Variants in MIB1 observed in about 807,000 individuals in gnomAD.
The protein encoded by MIB1 is MIB E3 ubiquitin protein ligase 1, also known as E3 ubiquitin-protein ligase MIB1.
MIB1 carries 278 observed loss-of-function variants against 124.5 expected under a neutral mutation model. The ratio of observed to expected loss-of-function variants is 2.23; its 90% CI spans 2.02 to 2.47. MIB1 has a LOEUF of 2.47. Among genes scored for constraint, MIB1 ranks in the 30% most tolerant of loss-of-function variants. MIB1 has a pLI of 0.00. For missense variants in MIB1, 957 were observed against 1,254.4 expected (o/e 0.76, Z 3.58); for synonymous variants, 446 against 429.4 (o/e 1.04, Z -0.48).
intron 3 of MIB1, 29 bp from the exon 4 acceptor site, chr18:21,773,595 A>G (rs762784914): frequency 2.0e-6 from 3 of 1,521,842 alleles, no homozygotes; most frequent in African/African-American, 1.4e-5. Flanking sequence ...CCTTTAAAAA[A>G]CTTCTTTTCT....
chr18:21,745,234 A>G (rs1471435125), intron 1 of MIB1, among the ~76,000 whole-genome samples: 1 of 152,238 alleles, frequency 6.6e-6, no homozygotes, highest in African/African-American at 2.4e-5. Flanking sequence ...AAGAAAACCT[A>G]CGGTCTGTTA....
rs1215166784 is a variant in MIB1 at position 21,838,395 on chromosome 18, A to G, written c.1860A>G (p.Pro620=). ...TGCGTGTTTTACTATCTAAATTACCAAGACCATGGATTGTGGATGAGAAGA... is the reference window on the plus strand; with the variant it reads ...TGCGTGTTTTACTATCTAAATTACCGAGACCATGGATTGTGGATGAGAAGA... The part of the protein sequence containing the change: ...SAMRVLLSKL[P]RPWIVDEKKD... Residue 620 remains proline (P), a synonymous_variant, in exon 13 of 21, where the codon CCA becomes CCG. Transcript: ENST00000261537. 1.2e-6 allele frequency: 2 copies of G among 1,604,302 alleles called. No homozygotes were observed. Among genetic ancestry groups the G allele is most frequent in the Non-Finnish European group, 1.7e-6 (2 of 1,174,510 alleles).
chr18:21,856,159 A>G (rs922385941), intron 18 of MIB1, among the ~76,000 whole-genome samples: 1 of 148,996 alleles, frequency 6.7e-6, no homozygotes, highest in Non-Finnish European at 1.5e-5. Context: ...GAACCCGGGA[A>G]GCGGAGCTTG....
At chr18:21,728,597 C>A (rs191468546) in intron 1 of MIB1, among the ~76,000 whole-genome samples, 1 of 152,328 alleles carries the variant, frequency 6.6e-6, no homozygotes, top group African/African-American at 2.4e-5. Flanking sequence ...GGATATCAGA[C>A]AGAAATTGCA....
intron 1 of MIB1, among the ~76,000 whole-genome samples, chr18:21,751,404 G>T (rs1234415386): frequency 6.6e-6 from 1 of 152,002 alleles, no homozygotes; most frequent in East Asian, 1.9e-4. Context: ...GTAACTACAG[G>T]TGTGCATCAC....
At chr18:21,791,343 C>T (rs1016710020) in intron 6 of MIB1, 31 bp from the exon 7 acceptor site, 1 of 1,544,438 alleles carries the variant, frequency 6.5e-7, no homozygotes, top group Non-Finnish European at 8.8e-7. Flanking sequence ...AGCAAAGCTA[C>T]CCATTTTGAG....
At position 21,756,504 on chromosome 18, in the gene MIB1, A is replaced by G. The variant is rs577834143; in HGVS notation, c.230-9268A>G. Reference sequence around the variant, plus strand: ...TTTTGAGATGAAATCTTGCTCTGTCACCCAGGCTGGAGTGCGGTGGTGCAA... The same window carrying G: ...TTTTGAGATGAAATCTTGCTCTGTCGCCCAGGCTGGAGTGCGGTGGTGCAA... On this transcript the variant is annotated intron_variant, in intron 1 of 20. Coordinates refer to ENST00000261537, the MANE Select transcript of MIB1 (RefSeq NM_020774.4). Among the ~76,000 whole-genome samples the G allele has an allele frequency of 8.0e-4, 122 of 152,158 alleles. 1 individual carries two copies. The South Asian group carries it at 0.015, about 19-fold the overall frequency.
intron 1 of MIB1, among the ~76,000 whole-genome samples, chr18:21,762,352 A>G (rs2041107840): frequency 6.6e-6 from 1 of 152,206 alleles, no homozygotes; most frequent in Admixed American, 6.5e-5. Context: ...TGGGACTATT[A>G]TTATGTAAAT....
At chr18:21,836,124 T>C (rs1397315199) in intron 12 of MIB1, among the ~76,000 whole-genome samples, 1 of 150,532 alleles carries the variant, frequency 6.6e-6, no homozygotes, top group Non-Finnish European at 1.5e-5. Context: ...CTTGGTGGCA[T>C]GTACCCATAC....
chr18:21,817,238 T>A (rs1188130136), intron 11 of MIB1, among the ~76,000 whole-genome samples: 2 of 149,624 alleles, frequency 1.3e-5, no homozygotes, highest in Non-Finnish European at 1.5e-5. Context: ...CATGGCTCAT[T>A]GCAGTCTCAA....
chr18:21,727,238 T>C (rs746639012), intron 1 of MIB1, among the ~76,000 whole-genome samples: 2 of 152,084 alleles, frequency 1.3e-5, no homozygotes, highest in Non-Finnish European at 2.9e-5. Context: ...GCCTCCTGAG[T>C]AGCTGCGATT....
Position 21,732,351 on chromosome 18 carries a change from T to TACACACACACAC in MIB1, n.167+27260_167+27271dup, listed in dbSNP as rs59731612. Among the ~76,000 whole-genome samples the TACACACACACAC allele has an allele frequency of 2.5e-3, 346 of 141,054 alleles. 4 individuals carry two copies. The highest frequency in any genetic ancestry group is 7.6e-3 in the East Asian group (36 of 4,724). 92.5% of individuals were successfully genotyped at this position (141,054 alleles called of 152,430 possible). ...TAAAAAAATATATATATTATATGTA[T>TACACACACACAC]ACACACACACACACACACACACACA... is the stretch of plus-strand genomic sequence containing the variant. On this transcript the variant is annotated intron_variant and non_coding_transcript_variant, in intron 1 of 20. Transcript: ENST00000578646.
intron 12 of MIB1, among the ~76,000 whole-genome samples, chr18:21,833,884 T>G (rs1400062506): frequency 6.6e-6 from 1 of 152,222 alleles, no homozygotes; most frequent in African/African-American, 2.4e-5. Flanking sequence ...GATCTTATCT[T>G]TAAAACATCC....
intron 1 of MIB1, among the ~76,000 whole-genome samples, chr18:21,754,754 A>G (rs190421637): frequency 6.6e-6 from 1 of 152,358 alleles, no homozygotes; most frequent in Admixed American, 6.5e-5. Flanking sequence ...TTGCTGTCAC[A>G]TCTTAAACTA....
At chr18:21,812,732 G>T (rs536095930) in intron 10 of MIB1, among the ~76,000 whole-genome samples, 1 of 152,120 alleles carries the variant, frequency 6.6e-6, no homozygotes, top group African/African-American at 2.4e-5. Flanking sequence ...AAAGAAACAC[G>T]ATCCGTTTTA....
At chr18:21,787,927 G>A (rs2146438195) in intron 6 of MIB1, among the ~76,000 whole-genome samples, 1 of 152,130 alleles carries the variant, frequency 6.6e-6, no homozygotes, top group African/African-American at 2.4e-5. Context: ...CTCCCTTTAA[G>A]TAAAATGCCT....
intron 19 of MIB1, 113 bp from the exon 20 acceptor site, chr18:21,858,433 G>T: frequency 1.7e-6 from 1 of 581,224 alleles, no homozygotes; most frequent in Admixed American, 3.2e-5. Flanking sequence ...TTTTGAAGAG[G>T]ATTTTAATAA....
Position 21,846,977 on chromosome 18 carries a change from A to G in MIB1, c.2245A>G (p.Lys749Glu), listed in dbSNP as rs992986703. The G allele has an allele frequency of 6.2e-7, 1 of 1,614,048 alleles. No individual in the cohort carries two copies. Among genetic ancestry groups the G allele is most frequent in the Admixed American group, 1.7e-5 (1 of 60,016 alleles). ...IMGLGTQGAEKKSAASIACFL... is the reference protein window; with the variant it reads ...IMGLGTQGAEEKSAASIACFL... ...GGGACTTGGTACCCAGGGGGCAGAGAAGAAGAGTGCAGCATCTATTGCCTG... is the reference window on the plus strand; with the variant it reads ...GGGACTTGGTACCCAGGGGGCAGAGGAGAAGAGTGCAGCATCTATTGCCTG... Residue 749 changes from lysine (K) to glutamate (E), a missense_variant, in exon 16 of 21, where the codon AAG becomes GAG. Lys to Glu is a moderately conservative substitution (Grantham distance 56, BLOSUM62 1). Coordinates refer to ENST00000261537, the MANE Select transcript of MIB1 (RefSeq NM_020774.4).
chr18:21,788,052 C>T (rs890880941), intron 6 of MIB1, among the ~76,000 whole-genome samples: 5 of 152,086 alleles, frequency 3.3e-5, no homozygotes, highest in African/African-American at 4.8e-5. Flanking sequence ...ATTATATATG[C>T]ATATACTCTT....
Sources: allele counts gnomAD v4.1 joint callset (sites outside exome capture counted in the v4.1 genomes callset), GRCh38; gene constraint gnomAD v4.1.1; transcripts MANE v1.5; gene names NCBI Gene and HGNC (gene_info 2026-07-23, HGNC 2026-07-21).